Variants in MRE11 observed in about 807,000 individuals in gnomAD.
MRE11 encodes MRE11 double strand break repair nuclease.
Under a neutral mutation model 91.7 loss-of-function variants are expected in MRE11, and 62 were observed. The observed-to-expected ratio is 0.68, with a 90% CI of 0.55 to 0.84. The LOEUF (loss-of-function observed/expected upper bound fraction) is 0.84, where lower values mean the gene tolerates loss of function less well. MRE11 is among the 40% of genes least tolerant of loss of function. The probability of loss-of-function intolerance (pLI) is 0.00; values close to 1 mark genes in which losing one functional copy is unlikely to be tolerated. For synonymous variants in MRE11, 273 were observed against 271.4 expected (o/e 1.01, Z -0.06); for missense variants, 796 against 852.9 (o/e 0.93, Z 0.83).
the MRE11 span, among the ~76,000 whole-genome samples, chr11:94,510,879 A>T: frequency 3.9e-5 from 6 of 152,386 alleles, no homozygotes; most frequent in Non-Finnish European, 7.3e-5. Flanking sequence ...ACTCTGTTCA[A>T]ATCAAATCTT....
intron 12 of MRE11, among the ~76,000 whole-genome samples, chr11:94,459,930 A>C (rs1451953372): frequency 6.6e-6 from 1 of 152,202 alleles, no homozygotes; most frequent in African/African-American, 2.4e-5. Context: ...AAAGAGGAAC[A>C]AAGGTTGCTA....
chr11:94,464,007 CA>C, intron 11 of MRE11, 105 bp downstream of exon 11: 4 of 1,256,582 alleles, frequency 3.2e-6, no homozygotes, highest in Non-Finnish European at 4.5e-6. Context: ...TAAGACATTA[CA>C]ATCATATTAA....
At chr11:94,449,982 C>T (rs522596) in intron 14 of MRE11, among the ~76,000 whole-genome samples, 35,766 of 152,024 alleles carry the variant, frequency 0.24, 4,400 homozygotes, top group East Asian at 0.32. Flanking sequence ...TGTACTTTTG[C>T]TTTGGTAATG....
chr11:94,461,874 G>C (rs960288087), intron 11 of MRE11, among the ~76,000 whole-genome samples: 1 of 152,148 alleles, frequency 6.6e-6, no homozygotes, highest in African/African-American at 2.4e-5. Context: ...AGGAGATCGA[G>C]ACCAACCTGG....
chr11:94,493,102 T>G (rs1315573345), intron 1 of MRE11, among the ~76,000 whole-genome samples, 196 bp from the exon 2 acceptor site: 2 of 152,166 alleles, frequency 1.3e-5, no homozygotes, highest in Non-Finnish European at 2.9e-5. Flanking sequence ...GTGTACATCC[T>G]GTTTCCTAGT....
At position 94,418,923 on chromosome 11, in the gene MRE11, CTATTCTAATGGTCATGAG is replaced by C. The variant is rs1363725895; in HGVS notation, c.*1184_*1201del. ...ATAATTTGACACATTCCAGGTATGA[CTATTCTAATGGTCATGAG>C]TATCACTGAGTCAAGTATTTGTTTC... On this transcript the variant is annotated 3_prime_UTR_variant, in exon 20 of 20. Coordinates refer to ENST00000323929, the MANE Select transcript of MRE11 (RefSeq NM_005591.4). 4.3e-6 allele frequency: 1 copy of C among 230,828 alleles called. No homozygotes were observed. Among genetic ancestry groups the C allele is most frequent in the African/African-American group, 2.2e-5 (1 of 45,228 alleles). The allele number at this position is 230,828 out of a possible 1,614,324, so 14.3% of individuals were successfully genotyped here.
chr11:94,477,254 T>A (rs779526062), intron 6 of MRE11, among the ~76,000 whole-genome samples: 2 of 152,164 alleles, frequency 1.3e-5, no homozygotes, highest in Non-Finnish European at 1.5e-5. Context: ...TTAAAAGGGA[T>A]GATAAAAGTG....
chr11:94,499,516 G>C, the MRE11 span: 1 of 152,072 alleles, frequency 6.6e-6, no homozygotes, highest in Non-Finnish European at 1.5e-5. Flanking sequence ...AAACACTGTG[G>C]ATAATGACAA....
chr11:94,418,828 T>G lies in MRE11; in HGVS notation c.*1297A>C, dbSNP rs2134726391. On this transcript the variant is annotated 3_prime_UTR_variant, in exon 20 of 20. Transcript: ENST00000323929. ...TTAAGAAAGTCAATAGAATGTTATATTGCAAGTTTTGACTTAGGCCTCTTC... is the reference window on the plus strand; with the variant it reads ...TTAAGAAAGTCAATAGAATGTTATAGTGCAAGTTTTGACTTAGGCCTCTTC... The G allele has an allele frequency of 4.3e-6, 1 of 231,302 alleles. No individual in the cohort carries two copies. Among genetic ancestry groups the G allele is most frequent in the East Asian group, 6.2e-5 (1 of 16,222 alleles). The allele number at this position is 231,302 out of a possible 1,614,324, so 14.3% of individuals were successfully genotyped here.
At chr11:94,462,563 G>A (rs926168075) in intron 11 of MRE11, among the ~76,000 whole-genome samples, 3 of 152,080 alleles carry the variant, frequency 2.0e-5, no homozygotes, top group Non-Finnish European at 4.4e-5. Context: ...ACAGCATGGT[G>A]CTGGTTCCAA....
Position 94,481,571 on chromosome 11 carries a change from T to C in MRE11, c.315-1810A>G, listed in dbSNP as rs530809246. ...AATCTTTTATGACTTCTGGGTCTTG[T>C]GTCATACTTAGAAGCCTTCCCCACA... On this transcript the variant is annotated intron_variant, in intron 4 of 19. Transcript: ENST00000323929. Among the ~76,000 whole-genome samples, 3 of 152,332 alleles carry C rather than the reference T, an allele frequency of 2.0e-5. No homozygotes were observed. The South Asian group carries it at 6.2e-4, about 32-fold the overall frequency.
chr11:94,446,906 T>C (rs13447697), intron 15 of MRE11, among the ~76,000 whole-genome samples: 40 of 152,186 alleles, frequency 2.6e-4, no homozygotes, highest in Non-Finnish European at 4.7e-4. Flanking sequence ...GCCTATTACT[T>C]TGCACATGTG....
intron 7 of MRE11, among the ~76,000 whole-genome samples, chr11:94,472,112 T>C (rs1481014683): frequency 6.6e-6 from 1 of 152,070 alleles, no homozygotes; most frequent in Admixed American, 6.6e-5. Flanking sequence ...TCTAACTATA[T>C]ACTAGAGAAA....
At chr11:94,503,662 C>A in the MRE11 span, among the ~76,000 whole-genome samples, 1 of 150,856 alleles carries the variant, frequency 6.6e-6, no homozygotes, top group South Asian at 2.1e-4. Flanking sequence ...CGCCACTGCA[C>A]TCCAGCCTAG....
chr11:94,504,032 C>T, the MRE11 span, among the ~76,000 whole-genome samples: 1 of 152,110 alleles, frequency 6.6e-6, no homozygotes, highest in Admixed American at 6.6e-5. Flanking sequence ...TGAATATCTT[C>T]TTGGAAAAAA....
rs749043357 is a variant in MRE11 at position 94,478,824 on chromosome 11, T to G, written c.455A>C (p.His152Pro). 5 of 1,613,754 alleles carry G rather than the reference T, an allele frequency of 3.1e-6. No individual in the cohort carries two copies. Among genetic ancestry groups the G allele is most frequent in the Non-Finnish European group, 1.7e-6 (2 of 1,179,916 alleles). The change falls in exon 6 of 20, where the codon CAC (histidine) becomes CCC (proline). Residue 152 changes from histidine (H) to proline (P), a missense_variant. By Grantham distance (77) the His-to-Pro change is moderately conservative. Transcript: ENST00000323929. ...CTCCACAGACATTGAACGTCCAAAGTGATTTACAAATCCAGCACAACTTAA... is the reference window on the plus strand; with the variant it reads ...CTCCACAGACATTGAACGTCCAAAGGGATTTACAAATCCAGCACAACTTAA... ...DILSCAGFVN[H>P]FGRSMSVEKI...
intron 18 of MRE11, among the ~76,000 whole-genome samples, chr11:94,431,898 A>T (rs1251511297): frequency 1.3e-5 from 2 of 151,934 alleles, no homozygotes; most frequent in African/African-American, 4.8e-5. Context: ...AAAGCAAACT[A>T]TTTTTTCTTT....
At chr11:94,457,800 G>T (rs1406470111) in intron 13 of MRE11, among the ~76,000 whole-genome samples, 2 of 151,884 alleles carry the variant, frequency 1.3e-5, no homozygotes, top group Non-Finnish European at 2.9e-5. Flanking sequence ...GCTAATAAGG[G>T]TTTTGATTTT....
rs1945349782 is a variant in MRE11, at chr11:94,427,311, GAC to G, written c.2070+2598_2070+2599del. On this transcript the variant is annotated intron_variant, in intron 19 of 19. Transcript: ENST00000323929. ...CAAAAACGATATGATCACTTCAACA[GAC>G]ACAGAGAAAGCTTTTGATAAAATCC... Among the ~76,000 whole-genome samples the G allele has an allele frequency of 2.6e-5, 4 of 152,006 alleles. No individual in the cohort carries two copies. In the South Asian group the frequency reaches 8.3e-4, roughly 32 times the overall value.
Sources: allele counts gnomAD v4.1 joint callset (sites outside exome capture counted in the v4.1 genomes callset), GRCh38; gene constraint gnomAD v4.1.1; transcripts MANE v1.5; gene names NCBI Gene and HGNC (gene_info 2026-07-23, HGNC 2026-07-21).